SCHIP1: variants seen among roughly 807,000 people sequenced by gnomAD.
SCHIP1 encodes schwannomin interacting protein 1.
A neutral mutation model predicts 29.7 loss-of-function variants in SCHIP1; 8 were observed. The observed-to-expected ratio is 0.27, with a 90% CI of 0.16 to 0.49. SCHIP1 has a LOEUF of 0.49. SCHIP1 is among the 20% of genes least tolerant of loss of function. SCHIP1 has a pLI of 0.99. For missense variants in SCHIP1, 193 were observed against 294.6 expected, an observed-to-expected ratio of 0.66 and a Z score of 2.52; for synonymous variants, 76 against 94.9, an observed-to-expected ratio of 0.80 and a Z score of 1.16.
the SCHIP1 span, among the ~76,000 whole-genome samples, chr3:159,440,283 A>G: frequency 6.6e-6 from 1 of 152,136 alleles, no homozygotes; most frequent in African/African-American, 2.4e-5. Context: ...CTGTTCTTGT[A>G]CCAGTACCAT....
chr3:159,280,202 A>G, the SCHIP1 span, among the ~76,000 whole-genome samples: 1 of 152,212 alleles, frequency 6.6e-6, no homozygotes, highest in African/African-American at 2.4e-5. Flanking sequence ...TCTGATGACC[A>G]TGGTGATTCT....
the SCHIP1 span, among the ~76,000 whole-genome samples, chr3:159,330,864 T>C: frequency 6.6e-6 from 1 of 152,172 alleles, no homozygotes; most frequent in Non-Finnish European, 1.5e-5. Context: ...TTTTTCTCTT[T>C]TACTTTACAT....
At chr3:159,403,787 T>C in the SCHIP1 span, among the ~76,000 whole-genome samples, 1 of 152,178 alleles carries the variant, frequency 6.6e-6, no homozygotes, top group African/African-American at 2.4e-5. Flanking sequence ...TTGGGGGACA[T>C]ATGACACAGT....
the SCHIP1 span, among the ~76,000 whole-genome samples, chr3:159,466,664 C>T: frequency 6.6e-6 from 1 of 152,062 alleles, no homozygotes; most frequent in Admixed American, 6.6e-5. Context: ...AGAGCTCTTA[C>T]AATTGTATTT....
the SCHIP1 span, among the ~76,000 whole-genome samples, chr3:159,508,622 G>T: frequency 2.6e-5 from 4 of 152,006 alleles, no homozygotes; most frequent in Non-Finnish European, 4.4e-5. Flanking sequence ...TAAATTTCCC[G>T]CTACACACTG....
chr3:159,678,828 T>A, the SCHIP1 span, among the ~76,000 whole-genome samples: 8 of 152,144 alleles, frequency 5.3e-5, no homozygotes, highest in Non-Finnish European at 7.4e-5. Context: ...GAAGACAGAA[T>A]GAGTATAAGG....
chr3:159,498,850 T>C, the SCHIP1 span, among the ~76,000 whole-genome samples: 1 of 152,362 alleles, frequency 6.6e-6, no homozygotes, highest in Admixed American at 6.5e-5. Context: ...CAATCTTATT[T>C]TACAGGCTTC....
At chr3:159,554,019 T>C in the SCHIP1 span, among the ~76,000 whole-genome samples, 1 of 88,838 alleles carries the variant, frequency 1.1e-5, no homozygotes, top group African/African-American at 5.0e-5. Flanking sequence ...TGTGTGTGTG[T>C]TTGTGTATGT....
At chr3:159,313,058 G>C in the SCHIP1 span, among the ~76,000 whole-genome samples, 1 of 152,118 alleles carries the variant, frequency 6.6e-6, no homozygotes, top group Non-Finnish European at 1.5e-5. Context: ...TATTAAATCT[G>C]TTTGGTCTCT....
At chr3:159,651,441 A>T in the SCHIP1 span, among the ~76,000 whole-genome samples, 1 of 152,184 alleles carries the variant, frequency 6.6e-6, no homozygotes, top group Admixed American at 6.6e-5. Flanking sequence ...AGCTCCTGGA[A>T]GCCTTTTTAT....
At chr3:159,337,935 G>T in the SCHIP1 span, among the ~76,000 whole-genome samples, 1 of 152,136 alleles carries the variant, frequency 6.6e-6, no homozygotes. Context: ...TTTACCATGG[G>T]TCTGCCTGAA....
the SCHIP1 span, among the ~76,000 whole-genome samples, chr3:159,594,789 G>T: frequency 2.6e-5 from 4 of 152,128 alleles, no homozygotes; most frequent in Non-Finnish European, 4.4e-5. Context: ...TACACAAATT[G>T]TTCAGTCTGC....
the SCHIP1 span, chr3:159,764,951 G>A: frequency 1.3e-6 from 2 of 1,489,730 alleles, no homozygotes. This position sits in a 1 kb window ranked among gnomAD's most constrained non-coding sequence, Gnocchi z 6.1. Context: ...GCTGGGGGCC[G>A]GCGCAGTGGC....
At chr3:159,688,714 G>A in the SCHIP1 span, among the ~76,000 whole-genome samples, 6 of 152,012 alleles carry the variant, frequency 3.9e-5, no homozygotes, top group East Asian at 9.6e-4. Context: ...TTTCTTCTAG[G>A]GTTTTTATGG....
the SCHIP1 span, among the ~76,000 whole-genome samples, chr3:159,397,756 G>A: frequency 6.6e-6 from 1 of 152,210 alleles, no homozygotes; most frequent in African/African-American, 2.4e-5. Flanking sequence ...AGTCTACAGA[G>A]GTTACTGCTG....
the SCHIP1 span, among the ~76,000 whole-genome samples, chr3:159,547,542 T>C: frequency 6.6e-6 from 1 of 152,176 alleles, no homozygotes; most frequent in Non-Finnish European, 1.5e-5. Context: ...GTTTTTATAG[T>C]TTTAGGTTTT....
the SCHIP1 span, among the ~76,000 whole-genome samples, chr3:159,357,788 G>A: frequency 3.3e-5 from 5 of 152,244 alleles, no homozygotes; most frequent in South Asian, 6.2e-4. Flanking sequence ...GTTCTATCCC[G>A]GATATCTGAT....
chr3:159,765,097 G>A, the SCHIP1 span: 32 of 1,572,566 alleles, frequency 2.0e-5, no homozygotes, highest in Non-Finnish European at 2.7e-5. Context: ...CCGGGAGCAG[G>A]AGGTACGGAA....
the SCHIP1 span, among the ~76,000 whole-genome samples, chr3:159,677,227 G>A: frequency 6.6e-6 from 1 of 152,176 alleles, no homozygotes; most frequent in Non-Finnish European, 1.5e-5. Flanking sequence ...CTACAACCCT[G>A]ACCTATACAG....
Sources: gnomAD v4.1 joint callset for allele counts (sites outside exome capture counted in the v4.1 genomes callset) on GRCh38, gnomAD v4.1.1 for gene constraint, Gnocchi (gnomAD v3.1) non-coding constraint, MANE v1.5 for transcripts, NCBI Gene and HGNC (gene_info 2026-07-23, HGNC 2026-07-21) for gene names.